Variants in DMTF1 observed in about 807,000 individuals in gnomAD.
DMTF1 encodes the protein cyclin-D-binding Myb-like transcription factor 1.
In DMTF1, 39 loss-of-function variants were observed where a neutral mutation model predicts 91.1. The ratio of observed to expected loss-of-function variants is 0.43; its 90% CI spans 0.33 to 0.56. The LOEUF (loss-of-function observed/expected upper bound fraction) is 0.56, where lower values mean the gene tolerates loss of function less well. Among genes scored for constraint, DMTF1 ranks in the 20% least tolerant of loss-of-function variants. The pLI is 0.05. For missense variants in DMTF1, 750 were observed against 914.5 expected (o/e 0.82, Z 2.32); for synonymous variants, 338 against 309.5 (o/e 1.09, Z -0.97).
At position 87,193,749 on chromosome 7, in the gene DMTF1, GATA is replaced by G. The variant is rs1159911648; in HGVS notation, c.1678_1680del (p.Asn560del). ...GCCAGAACATTTGTTGAACACAAGT[GATA>G]ATGTTACAGTGCAGTGTCACACACC... On this transcript the variant is annotated inframe_deletion, in exon 16 of 18. Coordinates refer to ENST00000331242, the MANE Select transcript of DMTF1 (RefSeq NM_001142327.2). The G allele has an allele frequency of 5.6e-6, 9 of 1,605,464 alleles. No individual in the cohort carries two copies. Among genetic ancestry groups the G allele is most frequent in the African/African-American group, 2.7e-5 (2 of 74,430 alleles).
intron 1 of DMTF1, among the ~76,000 whole-genome samples, chr7:87,159,628 C>T (rs1419108859): frequency 6.6e-6 from 1 of 152,126 alleles, no homozygotes; most frequent in African/African-American, 2.4e-5. Context: ...TCTGTATCTT[C>T]TCGTTTTTAG....
At chr7:87,189,448 A>G (rs193261455) in intron 13 of DMTF1, among the ~76,000 whole-genome samples, 110 of 152,258 alleles carry the variant, frequency 7.2e-4, no homozygotes, top group African/African-American at 2.4e-3. Flanking sequence ...GAGAGTTGCT[A>G]TTGGTTATAA....
intron 7 of DMTF1, 99 bp from the exon 8 acceptor site, chr7:87,179,446 C>T (rs926081005): frequency 1.4e-5 from 14 of 972,152 alleles, no homozygotes; most frequent in South Asian, 8.4e-5. Context: ...TTCTAAATGC[C>T]GTTGATGACC....
chr7:87,156,451 TAC>T (rs1319570936), intron 1 of DMTF1, among the ~76,000 whole-genome samples: 1 of 152,158 alleles, frequency 6.6e-6, no homozygotes, highest in Admixed American at 6.5e-5. Flanking sequence ...ATTAATTAGG[TAC>T]CTTAATTGAA....
chr7:87,156,931 A>G (rs948568604), intron 1 of DMTF1, among the ~76,000 whole-genome samples: 10 of 152,164 alleles, frequency 6.6e-5, no homozygotes, highest in African/African-American at 1.4e-4. Context: ...ATTTAGATCT[A>G]TGTGCTCATT....
chr7:87,171,764 AAT>A (rs1180445585), intron 5 of DMTF1, among the ~76,000 whole-genome samples: 1 of 152,196 alleles, frequency 6.6e-6, no homozygotes, highest in East Asian at 1.9e-4. Context: ...ATGGGGGTAA[AAT>A]ACTCTAAGAC....
chr7:87,153,251 G>A (rs1789756927), intron 1 of DMTF1, among the ~76,000 whole-genome samples: 1 of 152,196 alleles, frequency 6.6e-6, no homozygotes, highest in African/African-American at 2.4e-5. Context: ...AAGAAGGGAT[G>A]TGGGCTGGGG....
intron 3 of DMTF1, among the ~76,000 whole-genome samples, 159 bp from the exon 4 acceptor site, chr7:87,166,324 A>G (rs1352102523): frequency 1.3e-5 from 2 of 152,246 alleles, no homozygotes; most frequent in Non-Finnish European, 2.9e-5. Context: ...ATAGAAAGGC[A>G]GTGTCCTTTT....
intron 1 of DMTF1, among the ~76,000 whole-genome samples, chr7:87,155,792 A>T (rs1373139821): frequency 7.2e-6 from 1 of 138,368 alleles, no homozygotes; most frequent in Non-Finnish European, 1.5e-5. Context: ...ATGACTGAGT[A>T]CTAGAAATAA....
Position 87,158,797 on chromosome 7 carries a change from T to C in DMTF1, c.-131-4698T>C, listed in dbSNP as rs370791809. Among the ~76,000 whole-genome samples, 3 of 152,214 alleles carry C rather than the reference T, an allele frequency of 2.0e-5. No individual in the cohort carries two copies. In the East Asian group the frequency reaches 5.8e-4, roughly 29 times the overall value. Reference sequence around the variant, plus strand: ...GTCTTCATTTATAGGGTATAAAACTTAGAAAACATTCTTAACCAGTGTCTT... The same window carrying C: ...GTCTTCATTTATAGGGTATAAAACTCAGAAAACATTCTTAACCAGTGTCTT... On this transcript the variant is annotated intron_variant, in intron 1 of 17. Transcript: ENST00000331242.
rs780559201 is a variant in DMTF1 at position 87,165,019 on chromosome 7, A to T, written c.78A>T (p.Glu26Asp). ...CTGTGACTTTGACTCAGGACACAGA[A>T]GGGAATCTCATTCTTCACTGCCCTC... ...VNSVTLTQDT[E>D]GNLILHCPQN... is the part of the protein sequence containing the mutation. Residue 26 changes from glutamate (E) to aspartate (D), a missense_variant, in exon 3 of 18, where the codon GAA becomes GAT. This residue lies in a region of DMTF1 where 150 missense variants were observed against 150.4 expected (regional missense o/e 1.00). Coordinates refer to ENST00000331242, the MANE Select transcript of DMTF1 (RefSeq NM_001142327.2). 6.2e-7 allele frequency: 1 copy of T among 1,610,814 alleles called. No individual in the cohort carries two copies. The highest frequency in any genetic ancestry group is 8.5e-7 in the Non-Finnish European group (1 of 1,178,234).
chr7:87,157,028 T>TA, intron 1 of DMTF1, among the ~76,000 whole-genome samples: 1 of 152,090 alleles, frequency 6.6e-6, no homozygotes, highest in East Asian at 1.9e-4. Context: ...GTGAAAACAG[T>TA]AAAAGATAGG....
At chr7:87,192,462 A>G (rs1246472171) in intron 14 of DMTF1, 1 of 152,118 alleles carries the variant, frequency 6.6e-6, no homozygotes. Flanking sequence ...CACTTTAGCA[A>G]TAAGGAAACC....
intron 4 of DMTF1, among the ~76,000 whole-genome samples, chr7:87,167,737 TTAAA>T (rs1794154795): frequency 6.6e-6 from 1 of 152,246 alleles, no homozygotes; most frequent in South Asian, 2.1e-4. Flanking sequence ...ACATTTCTAA[TTAAA>T]TATTCGTTCC....
rs559125403 is a variant in DMTF1 at position 87,194,034 on chromosome 7, G to A, written c.1960G>A (p.Glu654Lys). The change falls in exon 16 of 18, where the codon GAA becomes AAA. Residue 654 changes from glutamate to lysine, a missense_variant. By Grantham distance (56) the Glu-to-Lys change is moderately conservative. This residue lies in a region of DMTF1 where 410 missense variants were observed against 420.2 expected (regional missense o/e 0.98). Coordinates refer to ENST00000331242, the MANE Select transcript of DMTF1 (RefSeq NM_001142327.2). ...TAGTGTTATGGTCAGAACAGAAGAA[G>A]AAATCTCTGACACCGACCTTAAACA... is the stretch of plus-strand genomic sequence containing the variant. The part of the protein sequence containing the change: ...MNSVMVRTEE[E>K]ISDTDLKQEE... The A allele has an allele frequency of 2.2e-5, 36 of 1,612,630 alleles. No individual in the cohort carries two copies. In the South Asian group the frequency reaches 3.5e-4, roughly 16 times the overall value.
chr7:87,175,151 G>T (rs896731088), intron 7 of DMTF1, among the ~76,000 whole-genome samples: 1 of 151,770 alleles, frequency 6.6e-6, no homozygotes, highest in Non-Finnish European at 1.5e-5. Flanking sequence ...CTCCTGAGTA[G>T]CTGGGATTAC....
chr7:87,186,219 C>T (rs2129167743), intron 12 of DMTF1: 2 of 458,668 alleles, frequency 4.4e-6, no homozygotes, highest in Admixed American at 3.7e-5. Context: ...TCTACGTAAA[C>T]TATCAGGAGG....
intron 3 of DMTF1, 87 bp downstream of exon 3, chr7:87,165,137 C>CAA: frequency 6.4e-6 from 5 of 783,470 alleles, no homozygotes; most frequent in Non-Finnish European, 1.0e-5. Flanking sequence ...AAATAGGGGT[C>CAA]TAGGTGCCTA....
At chr7:87,170,956 C>G (rs768453100) in intron 4 of DMTF1, 39 bp from the exon 5 acceptor site, 1 of 1,307,054 alleles carries the variant, frequency 7.7e-7, no homozygotes, top group South Asian at 1.2e-5. Context: ...TAGAACTTGC[C>G]GTTATTATTC....
Sources: gnomAD v4.1 joint callset for allele counts (sites outside exome capture counted in the v4.1 genomes callset) on GRCh38, gnomAD v4.1.1 for gene constraint, gnomAD v4.1.1 regional missense constraint, MANE v1.5 for transcripts, NCBI Gene and HGNC (gene_info 2026-07-23, HGNC 2026-07-21) for gene names.